The following STPG2 variants were observed in gnomAD, a reference collection of about 807,000 sequenced individuals.
STPG2 encodes sperm tail PG-rich repeat containing 2.
A neutral mutation model predicts 54.2 loss-of-function variants in STPG2; 56 were observed. The ratio of observed to expected loss-of-function variants is 1.03; its 90% CI spans 0.83 to 1.29. STPG2 has a LOEUF of 1.29. STPG2 is among the 50% of genes most tolerant of loss of function. The pLI, the probability that STPG2 is intolerant of heterozygous loss-of-function variation, is 0.00. For missense variants in STPG2, 596 were observed against 544.9 expected, an observed-to-expected ratio of 1.09 and a Z score of -0.93; for synonymous variants, 200 against 181.8, an observed-to-expected ratio of 1.10 and a Z score of -0.81.
At chr4:97,463,057 G>T (rs1410636858) in intron 4 of STPG2, among the ~76,000 whole-genome samples, 1 of 152,030 alleles carries the variant, frequency 6.6e-6, no homozygotes, top group Non-Finnish European at 1.5e-5. Flanking sequence ...CTATTAAGAT[G>T]ATCACATAAT....
chr4:97,533,031 C>A (rs553629387), intron 4 of STPG2, among the ~76,000 whole-genome samples: 1 of 152,022 alleles, frequency 6.6e-6, no homozygotes, highest in South Asian at 2.1e-4. Flanking sequence ...TACAGGCGCC[C>A]GCCACCACAC....
chr4:97,726,064 A>G (rs1231641652), intron 9 of STPG2, among the ~76,000 whole-genome samples: 2 of 151,892 alleles, frequency 1.3e-5, no homozygotes, highest in African/African-American at 4.8e-5. Context: ...ACCTCTATAA[A>G]ATGAAAGCCC....
chr4:98,062,242 A>G (rs1737683828), intron 5 of STPG2, among the ~76,000 whole-genome samples: 1 of 138,528 alleles, frequency 7.2e-6, no homozygotes, highest in Non-Finnish European at 1.6e-5. Context: ...TGGGAGCAAA[A>G]TAAGAATTTA....
rs370028011 is a variant in STPG2, at chr4:98,018,202, G to A, written c.613-36884C>T. Among the ~76,000 whole-genome samples the A allele has an allele frequency of 5.3e-5, 8 of 150,006 alleles. No homozygotes were observed. In the East Asian group the frequency reaches 1.2e-3, roughly 23 times the overall value. The stretch of plus-strand genomic sequence containing the variant: ...CCCACAACAGTCCCCAGAGTGTGAT[G>A]TTCCCCTTCCTGTGTCCATGTGTTC... On this transcript the variant is annotated intron_variant, in intron 5 of 10. Coordinates refer to ENST00000295268, the MANE Select transcript of STPG2 (RefSeq NM_174952.3).
chr4:97,892,115 C>A (rs908582566), intron 8 of STPG2, among the ~76,000 whole-genome samples: 1 of 152,086 alleles, frequency 6.6e-6, no homozygotes, highest in South Asian at 2.1e-4. Flanking sequence ...CTATTATAAT[C>A]TTTGTGCAAT....
chr4:97,958,581 G>A (rs961750295), intron 7 of STPG2, among the ~76,000 whole-genome samples: 32 of 152,156 alleles, frequency 2.1e-4, no homozygotes, highest in African/African-American at 4.6e-4. Context: ...CAAAAGCCAG[G>A]AGAAGTAGCT....
At chr4:97,542,541 C>A (rs925517400) in intron 4 of STPG2, among the ~76,000 whole-genome samples, 2 of 152,128 alleles carry the variant, frequency 1.3e-5, no homozygotes, top group Non-Finnish European at 2.9e-5. Flanking sequence ...ACTAGTTCAA[C>A]CATTATGGAA....
At chr4:97,999,358 T>A (rs141953083) in intron 5 of STPG2, among the ~76,000 whole-genome samples, 1 of 152,174 alleles carries the variant, frequency 6.6e-6, no homozygotes, top group African/African-American at 2.4e-5. Flanking sequence ...GAGGTGACTA[T>A]GACACACTCC....
chr4:97,716,627 C>T (rs1166251197), intron 9 of STPG2, among the ~76,000 whole-genome samples: 2 of 151,022 alleles, frequency 1.3e-5, no homozygotes, highest in African/African-American at 2.4e-5. Flanking sequence ...CATGTTTTCA[C>T]TCAGAAGTGG....
chr4:97,443,300 T>C (rs574495613), intron 4 of STPG2, among the ~76,000 whole-genome samples: 3 of 152,280 alleles, frequency 2.0e-5, no homozygotes, highest in South Asian at 2.1e-4. Context: ...TCTCTAAAGA[T>C]AAAACTTGTA....
intron 9 of STPG2, among the ~76,000 whole-genome samples, chr4:97,839,488 G>A (rs1187243737): frequency 2.0e-5 from 3 of 151,548 alleles, no homozygotes; most frequent in Non-Finnish European, 4.4e-5. Flanking sequence ...ATAAGACCCT[G>A]AGATTAATAT....
At chr4:97,883,491 C>T (rs1396127891) in intron 8 of STPG2, among the ~76,000 whole-genome samples, 11 of 151,450 alleles carry the variant, frequency 7.3e-5, no homozygotes, top group African/African-American at 2.2e-4. Context: ...TAACTATAAC[C>T]AATGATAAAG....
chr4:97,750,659 T>G (rs1725557197), intron 9 of STPG2, among the ~76,000 whole-genome samples: 1 of 151,736 alleles, frequency 6.6e-6, no homozygotes, highest in Non-Finnish European at 1.5e-5. Context: ...TGTAAATGAC[T>G]GCTAGGAACT....
chr4:97,909,852 A>G (rs940896401), intron 8 of STPG2, among the ~76,000 whole-genome samples: 1 of 152,154 alleles, frequency 6.6e-6, no homozygotes, highest in African/African-American at 2.4e-5. Flanking sequence ...GTGAATTATT[A>G]AAACTTTCCC....
At chr4:98,059,895 A>T (rs751933888) in intron 5 of STPG2, among the ~76,000 whole-genome samples, 3 of 152,110 alleles carry the variant, frequency 2.0e-5, no homozygotes, top group Non-Finnish European at 4.4e-5. Context: ...AATAAACTAG[A>T]TATTGAAGAA....
intron 9 of STPG2, among the ~76,000 whole-genome samples, chr4:97,766,864 T>C (rs527325067): frequency 6.6e-6 from 1 of 152,138 alleles, no homozygotes; most frequent in East Asian, 1.9e-4. Context: ...TTAGTTATTG[T>C]AACATATGCT....
chr4:97,578,093 T>C (rs989529059), intron 10 of STPG2, among the ~76,000 whole-genome samples: 1 of 130,104 alleles, frequency 7.7e-6, no homozygotes, highest in African/African-American at 3.1e-5. Flanking sequence ...ATTTATCCTT[T>C]CTTTCTTTCT....
intron 9 of STPG2, among the ~76,000 whole-genome samples, chr4:97,748,308 ATTAT>A (rs1159336741): frequency 1.3e-5 from 2 of 151,596 alleles, no homozygotes; most frequent in Non-Finnish European, 3.0e-5. Flanking sequence ...CTATTTTGTC[ATTAT>A]TTAAACAATT....
intron 10 of STPG2, among the ~76,000 whole-genome samples, chr4:97,624,532 T>A (rs950894712): frequency 6.6e-6 from 1 of 152,208 alleles, no homozygotes; most frequent in Non-Finnish European, 1.5e-5. Context: ...TAGACCTCTG[T>A]CAGGTGGATA....
Sources: allele counts gnomAD v4.1 joint callset (sites outside exome capture counted in the v4.1 genomes callset), GRCh38; gene constraint gnomAD v4.1.1; transcripts MANE v1.5; gene names NCBI Gene and HGNC (gene_info 2026-07-23, HGNC 2026-07-21).